Variants in FSTL4 observed in about 807,000 individuals in gnomAD.
FSTL4 encodes follistatin like 4, also known as follistatin-related protein 4.
In FSTL4, 28 loss-of-function variants were observed where a neutral mutation model predicts 78.2. That is an observed-to-expected ratio of 0.36 (90% CI 0.27 to 0.49). The LOEUF (loss-of-function observed/expected upper bound fraction) is 0.49, where lower values mean the gene tolerates loss of function less well. FSTL4 is among the 20% of genes least tolerant of loss of function. The pLI is 0.98. For missense variants in FSTL4, 922 were observed against 1,084.9 expected (o/e 0.85, Z 2.11); for synonymous variants, 422 against 440.5 (o/e 0.96, Z 0.53).
chr5:133,396,565 G>C (rs979840114), intron 4 of FSTL4, among the ~76,000 whole-genome samples: 1 of 152,204 alleles, frequency 6.6e-6, no homozygotes, highest in African/African-American at 2.4e-5. Context: ...CTCCCGCTGA[G>C]AGCTGGACTG....
intron 14 of FSTL4, among the ~76,000 whole-genome samples, chr5:133,209,158 T>C (rs1750623112): frequency 6.6e-6 from 1 of 152,200 alleles, no homozygotes; most frequent in Admixed American, 6.5e-5. Context: ...TGATAGGTTA[T>C]TACTATTTTT....
intron 2 of FSTL4, among the ~76,000 whole-genome samples, chr5:133,590,563 C>T (rs1760602091): frequency 6.6e-6 from 1 of 152,088 alleles, no homozygotes; most frequent in Admixed American, 6.6e-5. Context: ...CATGTAACCC[C>T]TCTTTCTTTC....
At chr5:133,743,482 C>G in the FSTL4 span, among the ~76,000 whole-genome samples, 1 of 152,118 alleles carries the variant, frequency 6.6e-6, no homozygotes. Flanking sequence ...CTAGGCAAAT[C>G]CATTCACTTC....
intron 11 of FSTL4, among the ~76,000 whole-genome samples, chr5:133,221,367 C>A (rs1280014313): frequency 6.6e-6 from 1 of 152,106 alleles, no homozygotes; most frequent in Non-Finnish European, 1.5e-5. Flanking sequence ...GCTGGCCAAC[C>A]CCTCTTTCCA....
chr5:133,268,856 G>A (rs766112480), intron 6 of FSTL4, among the ~76,000 whole-genome samples: 4 of 152,182 alleles, frequency 2.6e-5, no homozygotes, highest in Non-Finnish European at 5.9e-5. Context: ...CAGGGGATTG[G>A]TTATTATGTT....
At chr5:133,244,937 T>A (rs185085598) in intron 7 of FSTL4, 1 of 152,108 alleles carries the variant, frequency 6.6e-6, no homozygotes, top group East Asian at 1.9e-4. Context: ...CTGGGCAACA[T>A]AGCAACACCC....
the FSTL4 span, among the ~76,000 whole-genome samples, chr5:133,819,898 C>T: frequency 1.3e-5 from 2 of 152,136 alleles, no homozygotes; most frequent in Admixed American, 6.5e-5. Context: ...GGGGCTGCTG[C>T]GTTTAGTCCT....
At chr5:133,519,424 G>A (rs1758929321) in intron 3 of FSTL4, among the ~76,000 whole-genome samples, 1 of 152,232 alleles carries the variant, frequency 6.6e-6, no homozygotes, top group Admixed American at 6.5e-5. Context: ...CTTGTGAGGT[G>A]CTGAGCTGGC....
intron 6 of FSTL4, chr5:133,270,266 G>C (rs190404701): frequency 6.6e-6 from 1 of 152,108 alleles, no homozygotes; most frequent in South Asian, 2.1e-4. Flanking sequence ...TCATTTTTAC[G>C]ATGCAGATCT....
At chr5:133,303,583 G>A (rs578249294) in intron 6 of FSTL4, among the ~76,000 whole-genome samples, 1 of 152,338 alleles carries the variant, frequency 6.6e-6, no homozygotes, top group East Asian at 1.9e-4. Context: ...TGTGAGTGGA[G>A]TTCCTCTTAC....
At chr5:133,362,709 C>T (rs1755097982) in intron 4 of FSTL4, among the ~76,000 whole-genome samples, 1 of 152,244 alleles carries the variant, frequency 6.6e-6, no homozygotes, top group African/African-American at 2.4e-5. Context: ...GGCAAAAGAA[C>T]ACAAGGGCGA....
At chr5:133,792,502 G>C in the FSTL4 span, among the ~76,000 whole-genome samples, 1 of 152,174 alleles carries the variant, frequency 6.6e-6, no homozygotes, top group Non-Finnish European at 1.5e-5. Flanking sequence ...CCCAGAGTTC[G>C]TGTGTCCCCA....
chr5:133,611,002 T>C lies in FSTL4; in HGVS notation c.-11+1323A>G, dbSNP rs1761077636. Among the ~76,000 whole-genome samples, 1 of 152,002 alleles carries C rather than the reference T, an allele frequency of 6.6e-6. No homozygotes were observed. The highest frequency in any genetic ancestry group is 2.1e-4 in the South Asian group (1 of 4,816). On this transcript the variant is annotated intron_variant, in intron 1 of 15. Transcript: ENST00000265342. This position sits in a 1 kb window ranked among gnomAD's most constrained non-coding sequence, Gnocchi z 4.9. ...ATCTCGGGGGCCCCATCTAGTACAATTCCTGGTGCACAGGCTTGCAACAAA... is the reference window on the plus strand; with the variant it reads ...ATCTCGGGGGCCCCATCTAGTACAACTCCTGGTGCACAGGCTTGCAACAAA...
At chr5:133,343,827 A>G (rs530741580) in intron 4 of FSTL4, among the ~76,000 whole-genome samples, 3 of 152,160 alleles carry the variant, frequency 2.0e-5, no homozygotes, top group Non-Finnish European at 4.4e-5. Flanking sequence ...TGAGGCCAGA[A>G]TCTCAGTGGG....
At chr5:133,726,401 G>C in the FSTL4 span, among the ~76,000 whole-genome samples, 2 of 152,180 alleles carry the variant, frequency 1.3e-5, no homozygotes. Context: ...TCCTGAAGCT[G>C]GTGGGTCCCC....
At chr5:133,415,892 G>T (rs1756572812) in intron 3 of FSTL4, among the ~76,000 whole-genome samples, 1 of 152,228 alleles carries the variant, frequency 6.6e-6, no homozygotes, top group South Asian at 2.1e-4. Flanking sequence ...GACTGGCATT[G>T]GAGGTATTGA....
chr5:133,419,257 C>T (rs1756642825), intron 3 of FSTL4, among the ~76,000 whole-genome samples: 2 of 152,116 alleles, frequency 1.3e-5, no homozygotes, highest in African/African-American at 4.8e-5. Flanking sequence ...GTAGCTGGCA[C>T]TACAGGCACG....
chr5:133,828,663 A>T, the FSTL4 span, among the ~76,000 whole-genome samples: 1 of 152,224 alleles, frequency 6.6e-6, no homozygotes, highest in African/African-American at 2.4e-5. Flanking sequence ...CAAGGGGGAC[A>T]CCGGACTGCT....
intron 4 of FSTL4, among the ~76,000 whole-genome samples, chr5:133,351,542 C>T (rs867923641): frequency 6.6e-5 from 10 of 152,090 alleles, no homozygotes; most frequent in Admixed American, 1.3e-4. Context: ...ATGCTATATT[C>T]TAGGCTATTT....
Sources: gnomAD v4.1 joint callset for allele counts (sites outside exome capture counted in the v4.1 genomes callset) on GRCh38, gnomAD v4.1.1 for gene constraint, Gnocchi (gnomAD v3.1) non-coding constraint, MANE v1.5 for transcripts, NCBI Gene and HGNC (gene_info 2026-07-23, HGNC 2026-07-21) for gene names.